The following ANKRD18A variants were observed in gnomAD, a reference collection of about 807,000 sequenced individuals.
ANKRD18A encodes the protein ankyrin repeat domain 18A.
In ANKRD18A, 72 loss-of-function variants were observed where a neutral mutation model predicts 110.6. The ratio of observed to expected loss-of-function variants is 0.65; its 90% CI spans 0.54 to 0.79. ANKRD18A has a LOEUF of 0.79. ANKRD18A is among the 30% of genes least tolerant of loss of function. ANKRD18A has a pLI of 0.00. For synonymous variants in ANKRD18A, 305 were observed against 410.3 expected, an observed-to-expected ratio of 0.74 and a Z score of 3.10; for missense variants, 934 against 1,163.3, an observed-to-expected ratio of 0.80 and a Z score of 2.87.
At chr9:38,601,041 A>G in intron 8 of ANKRD18A, 90 bp downstream of exon 8, 1 of 1,165,636 alleles carries the variant, frequency 8.6e-7, no homozygotes, top group Non-Finnish European at 1.2e-6. Flanking sequence ...GGATAGTCTA[A>G]AAGGTCACTT....
chr9:38,569,635 T>C (rs1823567451), downstream of ANKRD18A, among the ~76,000 whole-genome samples: 1 of 152,160 alleles, frequency 6.6e-6, no homozygotes, highest in Admixed American at 6.5e-5. Context: ...CATGTGTGCA[T>C]GCATTGTGTT....
At chr9:38,570,012 A>G (rs1823581598), downstream of ANKRD18A, among the ~76,000 whole-genome samples, 1 of 152,092 alleles carries the variant, frequency 6.6e-6, no homozygotes, top group South Asian at 2.1e-4. Flanking sequence ...CTACAGATGG[A>G]GGCAAAGAGG....
chr9:38,604,661 C>T (rs929684276), intron 6 of ANKRD18A, among the ~76,000 whole-genome samples: 13 of 151,426 alleles, frequency 8.6e-5, no homozygotes, highest in African/African-American at 2.9e-4. Context: ...TATTAGAAGT[C>T]TTTTATTGAA....
At chr9:38,608,914 A>G (rs7389053) in intron 5 of ANKRD18A, among the ~76,000 whole-genome samples, 72,477 of 151,792 alleles carry the variant, frequency 0.48, 20,017 homozygotes, top group African/African-American at 0.77. Context: ...AGAGACCTCT[A>G]TTCTCTTCCT....
chr9:38,586,858 C>A (rs1824408391), intron 11 of ANKRD18A, among the ~76,000 whole-genome samples: 1 of 152,116 alleles, frequency 6.6e-6, no homozygotes, highest in African/African-American at 2.4e-5. Flanking sequence ...GCCACCACAC[C>A]TGGCCTAACC....
chr9:38,603,831 C>A (rs1437282911), intron 6 of ANKRD18A, among the ~76,000 whole-genome samples: 2 of 152,208 alleles, frequency 1.3e-5, no homozygotes, highest in Non-Finnish European at 2.9e-5. Context: ...TACCCAAGAG[C>A]AGTTCCTTGT....
intron 12 of ANKRD18A, 142 bp downstream of exon 12, chr9:38,586,041 A>G (rs1824365228): frequency 7.8e-6 from 7 of 894,824 alleles, no homozygotes; most frequent in Non-Finnish European, 9.7e-6. Context: ...TTAATAGCTA[A>G]TGCCTACGGG....
At chr9:38,595,411 A>G (rs1460922185) in intron 9 of ANKRD18A, 75 bp downstream of exon 9, 1 of 1,269,416 alleles carries the variant, frequency 7.9e-7, no homozygotes, top group African/African-American at 1.5e-5. Flanking sequence ...TGTATATTGA[A>G]CTAGGTTCAA....
chr9:38,598,374 C>T (rs976674226), intron 8 of ANKRD18A, among the ~76,000 whole-genome samples: 6 of 152,130 alleles, frequency 3.9e-5, no homozygotes, highest in African/African-American at 4.8e-5. Context: ...TTTCCAGAAC[C>T]GTCATTTAGA....
chr9:38,581,069 C>A (rs2118681659), intron 12 of ANKRD18A, among the ~76,000 whole-genome samples: 1 of 152,304 alleles, frequency 6.6e-6, no homozygotes, highest in Middle Eastern at 3.4e-3. Flanking sequence ...ACAAGCTGTC[C>A]TGGCCAATCT....
chr9:38,605,902 C>G (rs887016396), intron 6 of ANKRD18A, among the ~76,000 whole-genome samples: 2 of 152,112 alleles, frequency 1.3e-5, no homozygotes, highest in Non-Finnish European at 2.9e-5. Flanking sequence ...TGAGCCACCA[C>G]GCCCAGCCTG....
intron 7 of ANKRD18A, 80 bp downstream of exon 7, chr9:38,603,079 A>C: frequency 2.6e-6 from 4 of 1,518,808 alleles, no homozygotes; most frequent in Non-Finnish European, 3.5e-6. Flanking sequence ...CAAGGAAACT[A>C]TACCATTAAC....
rs1282709534 is a variant in ANKRD18A, at chr9:38,620,177, T to G, written c.109A>C (p.Lys37Gln). 3 of 1,563,776 alleles carry G rather than the reference T, an allele frequency of 1.9e-6. No homozygotes were observed. The highest frequency in any genetic ancestry group is 2.6e-6 in the Non-Finnish European group (3 of 1,153,998). Reference protein sequence around the residue: ...GYDIRDWELRKIHRAAIKGDA... With the variant: ...GYDIRDWELRQIHRAAIKGDA... Reference sequence around the variant, plus strand: ...CCCTTGATGGCAGCCCTGTGGATCTTCCGCAGTTCCCAGTCCCGAATGTCG... The same window carrying G: ...CCCTTGATGGCAGCCCTGTGGATCTGCCGCAGTTCCCAGTCCCGAATGTCG... Residue 37 changes from lysine (K) to glutamine (Q), a missense_variant, in exon 1 of 16, where the codon AAG (lysine) becomes CAG (glutamine). Lys to Gln is a moderately conservative substitution (Grantham distance 53). Around this residue, in one of 4 missense-constraint regions of ANKRD18A, gnomAD observed 630 missense variants for 797.5 expected, o/e 0.79. Transcript: ENST00000399703.
At chr9:38,615,181 T>C (rs1323723408) in intron 3 of ANKRD18A, among the ~76,000 whole-genome samples, 2 of 152,216 alleles carry the variant, frequency 1.3e-5, no homozygotes, top group Non-Finnish European at 2.9e-5. Context: ...TGTTAAACCT[T>C]GCCCATGAAA....
chr9:38,588,796 T>A, intron 10 of ANKRD18A, 133 bp from the exon 11 acceptor site: 1 of 548,060 alleles, frequency 1.8e-6, no homozygotes, highest in Non-Finnish European at 2.7e-6. Context: ...ACAAACCTGA[T>A]GCCAATAACG....
Position 38,615,712 on chromosome 9 carries a change from T to A in ANKRD18A, c.377A>T (p.Asn126Ile). Residue 126 changes from asparagine to isoleucine, a missense_variant, in exon 3 of 16, where the codon AAT becomes ATT. By Grantham distance (149) the Asn-to-Ile change is moderately radical. This residue lies in a region of ANKRD18A where 630 missense variants were observed against 797.5 expected (regional missense o/e 0.79). Transcript: ENST00000399703. ...CAIVLLECGA[N>I]PNIEDIYGNT... ...GCCGTAGATATCCTCAATGTTTGGATTGGCGCCACATTCCAGGAGAACGAT... is the reference window on the plus strand; with the variant it reads ...GCCGTAGATATCCTCAATGTTTGGAATGGCGCCACATTCCAGGAGAACGAT... 6.2e-7 allele frequency: 1 copy of A among 1,612,904 alleles called. No individual in the cohort carries two copies. The highest frequency in any genetic ancestry group is 8.5e-7 in the Non-Finnish European group (1 of 1,179,882).
At chr9:38,579,696 A>G (rs781204967) in intron 12 of ANKRD18A, among the ~76,000 whole-genome samples, 12 of 152,248 alleles carry the variant, frequency 7.9e-5, no homozygotes, top group South Asian at 2.1e-4. Flanking sequence ...GTGAGGTTTC[A>G]GAGAACAGTA....
At chr9:38,601,239 T>C (rs1476997983) in intron 7 of ANKRD18A, 35 bp from the exon 8 acceptor site, 5 of 1,517,942 alleles carry the variant, frequency 3.3e-6, no homozygotes, top group South Asian at 2.4e-5. Context: ...AAATGAATGA[T>C]TTAAAGACTA....
chr9:38,618,423 C>A (rs1183001702), intron 1 of ANKRD18A, among the ~76,000 whole-genome samples: 1 of 152,198 alleles, frequency 6.6e-6, no homozygotes, highest in Non-Finnish European at 1.5e-5. Context: ...CAACATACTT[C>A]TCCACCTATT....
Sources: gnomAD v4.1 joint callset for allele counts (sites outside exome capture counted in the v4.1 genomes callset) on GRCh38, gnomAD v4.1.1 for gene constraint, gnomAD v4.1.1 regional missense constraint, MANE v1.5 for transcripts, NCBI Gene and HGNC (gene_info 2026-07-23, HGNC 2026-07-21) for gene names.